The following PPP4R3B variants were observed in gnomAD, a reference collection of about 807,000 sequenced individuals.
PPP4R3B encodes serine/threonine-protein phosphatase 4 regulatory subunit 3B.
A neutral mutation model predicts 95.4 loss-of-function variants in PPP4R3B; 52 were observed. The observed-to-expected ratio is 0.54, with a 90% CI of 0.44 to 0.69. The LOEUF (loss-of-function observed/expected upper bound fraction) is 0.69, where lower values mean the gene tolerates loss of function less well. PPP4R3B is among the 30% of genes least tolerant of loss of function. PPP4R3B has a pLI of 0.00. For missense variants in PPP4R3B, 1,003 were observed against 1,005.9 expected (o/e 1.00, Z 0.04); for synonymous variants, 407 against 343.9 (o/e 1.18, Z -2.03).
Position 55,598,787 on chromosome 2 carries a change from T to G in PPP4R3B, c.550A>C (p.Asn184His), listed in dbSNP as rs149649107. Residue 184 changes from asparagine (N) to histidine (H), a missense_variant, in exon 4 of 17, where the codon AAC (asparagine) becomes CAC (histidine). Asn to His is a moderately conservative substitution (Grantham distance 68, BLOSUM62 1). Coordinates refer to ENST00000616407, the MANE Select transcript of PPP4R3B (RefSeq NM_001122964.3). ...TGTAAGCCTTCAGTGTTTTCTAGGTTCTCGCAAGCTTGGAACAGCTGCAAT... is the reference window on the plus strand; with the variant it reads ...TGTAAGCCTTCAGTGTTTTCTAGGTGCTCGCAAGCTTGGAACAGCTGCAAT... ...KLLQLFQACE[N>H]LENTEGLHHL... The G allele has an allele frequency of 1.8e-4, 288 of 1,614,230 alleles. 2 individuals carry two copies. The African/African-American group carries it at 3.1e-3, about 17-fold the overall frequency.
chr2:55,597,436 A>G (rs1426275611), intron 4 of PPP4R3B, among the ~76,000 whole-genome samples: 1 of 151,950 alleles, frequency 6.6e-6, no homozygotes, highest in Non-Finnish European at 1.5e-5. Flanking sequence ...TCCTGGCTAA[A>G]ATGGTGAAAC....
intron 2 of PPP4R3B, among the ~76,000 whole-genome samples, chr2:55,605,392 G>C (rs1693238716): frequency 6.6e-6 from 1 of 152,104 alleles, no homozygotes; most frequent in Admixed American, 6.6e-5. Flanking sequence ...CCAAGACAAA[G>C]TGTTGAAAAT....
intron 15 of PPP4R3B, among the ~76,000 whole-genome samples, chr2:55,560,598 G>A (rs1686466307): frequency 6.6e-6 from 1 of 151,942 alleles, no homozygotes; most frequent in African/African-American, 2.4e-5. Flanking sequence ...CCAACAGGGT[G>A]AAACCCTGTC....
chr2:55,595,059 C>T (rs1691578382), intron 4 of PPP4R3B, among the ~76,000 whole-genome samples: 1 of 148,204 alleles, frequency 6.7e-6, no homozygotes, highest in South Asian at 2.2e-4. Flanking sequence ...CAGTCTCGCT[C>T]TGTCACCCTG....
intron 4 of PPP4R3B, 62 bp downstream of exon 4, chr2:55,598,354 T>G: frequency 6.6e-7 from 1 of 1,522,808 alleles, no homozygotes; most frequent in Non-Finnish European, 8.9e-7. Context: ...AACACCTGCT[T>G]GAACTATTAA....
At chr2:55,607,059 C>G (rs929710031) in intron 2 of PPP4R3B, among the ~76,000 whole-genome samples, 1 of 152,078 alleles carries the variant, frequency 6.6e-6, no homozygotes, top group Non-Finnish European at 1.5e-5. Flanking sequence ...GTTTAAGTTA[C>G]AAAATATTTG....
chr2:55,600,974 T>G (rs1347871391), intron 3 of PPP4R3B, among the ~76,000 whole-genome samples: 1 of 151,644 alleles, frequency 6.6e-6, no homozygotes, highest in Non-Finnish European at 1.5e-5. Flanking sequence ...CTGTGCAACC[T>G]TGTCACTACA....
At position 55,604,074 on chromosome 2, in the gene PPP4R3B, A is replaced by G. The variant is rs751366620; in HGVS notation, c.201T>C (p.Asp67=). 6.3e-7 allele frequency: 1 copy of G among 1,596,884 alleles called. No homozygotes were observed. The highest frequency in any genetic ancestry group is 8.5e-7 in the Non-Finnish European group (1 of 1,173,182). The change falls in exon 3 of 17, where the codon GAT becomes GAC. Residue 67 remains aspartate, a splice_region_variant and synonymous_variant. Transcript: ENST00000616407. ...CTGCTTCTGACCAAACAATTAATGTATCCTGTTTAAAAATAAATATTTCCA... is the reference window on the plus strand; with the variant it reads ...CTGCTTCTGACCAAACAATTAATGTGTCCTGTTTAAAAATAAATATTTCCA... ...NPNTAYQKQQ[D]TLIVWSEAEN...
At chr2:55,604,424 G>T (rs1693096016) in intron 2 of PPP4R3B, among the ~76,000 whole-genome samples, 1 of 152,060 alleles carries the variant, frequency 6.6e-6, no homozygotes, top group Non-Finnish European at 1.5e-5. Context: ...AAAATCAGCT[G>T]TCCCATTCAC....
rs1694764385 is a variant in PPP4R3B, at chr2:55,615,503, G to T, written c.146C>A (p.Ser49Ter). 1.9e-6 allele frequency: 3 copies of T among 1,573,400 alleles called. No homozygotes were observed. The highest frequency in any genetic ancestry group is 2.3e-5 in the East Asian group (1 of 44,348). The change falls in exon 2 of 17, where the codon TCA becomes TAA. Residue 49 changes from serine (S) to a stop codon, truncating the protein, a stop_gained. Transcript: ENST00000616407. LOFTEE classifies it high-confidence loss of function. ...ATTTATCTTTGATTCCAAGAGTAGTGATCCTGAAAGATAAAAAATAATACA... is the reference window on the plus strand; with the variant it reads ...ATTTATCTTTGATTCCAAGAGTAGTTATCCTGAAAGATAAAAAATAATACA... ...SLLVRAESDG[S>*]LLLESKINPN... is the part of the protein sequence containing the mutation.
At chr2:55,594,724 T>C (rs901473604) in intron 4 of PPP4R3B, among the ~76,000 whole-genome samples, 6 of 152,178 alleles carry the variant, frequency 3.9e-5, no homozygotes, top group Admixed American at 3.9e-4. Flanking sequence ...TTATTAAATG[T>C]TTTTCTGTCA....
At chr2:55,577,453 AATCTCCTT>A (rs1688837835) in intron 10 of PPP4R3B, 97 bp from the exon 11 acceptor site, 1 of 1,164,714 alleles carries the variant, frequency 8.6e-7, no homozygotes, top group Non-Finnish European at 1.1e-6. Context: ...CTTCAATCAT[AATCTCCTT>A]TTACCCTCAA....
chr2:55,604,141 G>T, intron 2 of PPP4R3B, 65 bp from the exon 3 acceptor site: 1 of 1,259,808 alleles, frequency 7.9e-7, no homozygotes, highest in Non-Finnish European at 1.1e-6. Context: ...AGTACAAATA[G>T]AAATCAAGAG....
chr2:55,616,950 G>A (rs913256709), intron 1 of PPP4R3B, among the ~76,000 whole-genome samples, 194 bp downstream of exon 1: 3 of 152,088 alleles, frequency 2.0e-5, no homozygotes, highest in Non-Finnish European at 2.9e-5. Flanking sequence ...ATGGGAGAAG[G>A]ACAGAGAGTC....
At chr2:55,587,973 A>T (rs1327189261) in intron 5 of PPP4R3B, among the ~76,000 whole-genome samples, 3 of 152,242 alleles carry the variant, frequency 2.0e-5, no homozygotes, top group Non-Finnish European at 4.4e-5. Context: ...GTAGCAATTC[A>T]ATATCAGATA....
intron 15 of PPP4R3B, among the ~76,000 whole-genome samples, chr2:55,559,564 G>C (rs1686326799): frequency 6.6e-6 from 1 of 152,122 alleles, no homozygotes; most frequent in African/African-American, 2.4e-5. Flanking sequence ...TGCTGTTCTT[G>C]TGATAGTGAG....
chr2:55,558,756 G>A lies in PPP4R3B; in HGVS notation c.2454+19C>T. On this transcript the variant is annotated intron_variant, in intron 16 of 16. Transcript: ENST00000616407. ...CAGACGGGAAAAGCAAAGTTTGTGT[G>A]TAATGCTGTTTCACCTACCTTGGTG... 1 of 1,557,540 alleles carries A rather than the reference G, an allele frequency of 6.4e-7. No homozygotes were observed. Among genetic ancestry groups the A allele is most frequent in the Non-Finnish European group, 8.7e-7 (1 of 1,145,772 alleles).
rs1693324759 is a variant in PPP4R3B at position 55,605,921 on chromosome 2, A to G, written c.199-1845T>C. ...CTCCGTCTCAAAAAAAAAAAAAAAA[A>G]AAAGAAATCCTTCAGTTTCTCTCAT... On this transcript the variant is annotated intron_variant, in intron 2 of 16. Transcript: ENST00000616407. Among the ~76,000 whole-genome samples the G allele has an allele frequency of 2.0e-5, 3 of 151,766 alleles. No homozygotes were observed. In the South Asian group the frequency reaches 6.2e-4, roughly 31 times the overall value.
At chr2:55,600,467 G>A (rs755238962) in intron 3 of PPP4R3B, among the ~76,000 whole-genome samples, 1 of 145,468 alleles carries the variant, frequency 6.9e-6, no homozygotes, top group Non-Finnish European at 1.5e-5. Flanking sequence ...GGCGGGCAGG[G>A]GTGGTTAAGA....
Sources: gnomAD v4.1 joint callset for allele counts (sites outside exome capture counted in the v4.1 genomes callset) on GRCh38, gnomAD v4.1.1 for gene constraint, MANE v1.5 for transcripts, NCBI Gene and HGNC (gene_info 2026-07-23, HGNC 2026-07-21) for gene names.